Variants in NCKAP5 observed in about 807,000 individuals in gnomAD.
NCKAP5 encodes nck-associated protein 5.
A neutral mutation model predicts 167.0 loss-of-function variants in NCKAP5; 92 were observed. That is an observed-to-expected ratio of 0.55 (90% CI 0.47 to 0.66). The LOEUF (loss-of-function observed/expected upper bound fraction) is 0.66, where lower values mean the gene tolerates loss of function less well. NCKAP5 is among the 30% of genes least tolerant of loss of function. NCKAP5 has a pLI of 0.00. For synonymous variants in NCKAP5, 891 were observed against 877.4 expected (o/e 1.02, Z -0.27); for missense variants, 2,378 against 2,315.0 (o/e 1.03, Z -0.56).
At chr2:132,762,332 C>T (rs968360550) in intron 16 of NCKAP5, among the ~76,000 whole-genome samples, 1 of 151,042 alleles carries the variant, frequency 6.6e-6, no homozygotes, top group Admixed American at 6.6e-5. Context: ...TGCGCTGAGG[C>T]ATACTGCTAT....
chr2:132,850,235 A>T (rs1237308071), intron 11 of NCKAP5, among the ~76,000 whole-genome samples: 3 of 152,164 alleles, frequency 2.0e-5, no homozygotes, highest in African/African-American at 7.2e-5. Flanking sequence ...TTTGGACACC[A>T]CCCAAATGTA....
chr2:133,208,677 T>C (rs887502866), intron 5 of NCKAP5, among the ~76,000 whole-genome samples: 13 of 152,320 alleles, frequency 8.5e-5, no homozygotes, highest in African/African-American at 2.4e-4. Flanking sequence ...ACTTCATTAA[T>C]AGTGTATCAA....
intron 6 of NCKAP5, among the ~76,000 whole-genome samples, chr2:133,058,957 T>C (rs2079895887): frequency 6.6e-6 from 1 of 152,158 alleles, no homozygotes; most frequent in African/African-American, 2.4e-5. Context: ...ACCAACCTGA[T>C]CAATCAGCAG....
chr2:133,250,518 C>T (rs374051092), intron 4 of NCKAP5, among the ~76,000 whole-genome samples: 5 of 152,296 alleles, frequency 3.3e-5, no homozygotes, highest in Admixed American at 6.5e-5. Context: ...GAGGGCCAGC[C>T]GAGGGCAGGG....
At chr2:133,295,314 C>T (rs1172852417) in intron 4 of NCKAP5, among the ~76,000 whole-genome samples, 1 of 151,902 alleles carries the variant, frequency 6.6e-6, no homozygotes, top group Non-Finnish European at 1.5e-5. Flanking sequence ...TGCTCTAAGA[C>T]AGATAGGATT....
chr2:133,669,284 C>G, the NCKAP5 span, among the ~76,000 whole-genome samples: 1 of 152,126 alleles, frequency 6.6e-6, no homozygotes, highest in Admixed American at 6.5e-5. Context: ...TGTTGCAAGC[C>G]TTTCTTTAAT....
chr2:132,824,224 G>C (rs531085881), intron 11 of NCKAP5, among the ~76,000 whole-genome samples: 30 of 152,316 alleles, frequency 2.0e-4, no homozygotes, highest in African/African-American at 7.2e-4. Context: ...TCCAGAGGTA[G>C]GCAGTCCAGG....
At chr2:132,894,211 A>T (rs1214655892) in intron 8 of NCKAP5, among the ~76,000 whole-genome samples, 1 of 152,250 alleles carries the variant, frequency 6.6e-6, no homozygotes, top group Non-Finnish European at 1.5e-5. Flanking sequence ...CTCCTGAAAT[A>T]AAACAGCGGC....
At position 132,773,852 on chromosome 2, in the gene NCKAP5, C is replaced by A; in HGVS notation, c.5092G>T (p.Ala1698Ser). ...NENLQEDEDD[A>S]VADSVFQSHI... ...CTCTGAAATACAGAATCTGCAACTG[C>A]ATCGTCTTCATCCTCTTGCAAGTTT... Residue 1698 changes from alanine to serine, a missense_variant, in exon 16 of 20, where the codon GCA becomes TCA. By Grantham distance (99) the Ala-to-Ser change is moderately conservative. Around this residue, in one of 3 missense-constraint regions of NCKAP5, gnomAD observed 1,325 missense variants for 1,274.5 expected, o/e 1.04. Transcript: ENST00000409261. 1 of 1,611,316 alleles carries A rather than the reference C, an allele frequency of 6.2e-7. No homozygotes were observed. Among genetic ancestry groups the A allele is most frequent in the Non-Finnish European group, 8.5e-7 (1 of 1,179,044 alleles).
At chr2:132,735,456 T>C (rs1471893749) in intron 16 of NCKAP5, among the ~76,000 whole-genome samples, 2 of 152,222 alleles carry the variant, frequency 1.3e-5, no homozygotes, top group African/African-American at 2.4e-5. Context: ...TCCATCATGA[T>C]TGGAAGCTTC....
intron 5 of NCKAP5, among the ~76,000 whole-genome samples, 175 bp downstream of exon 5, chr2:133,213,541 C>T (rs1370280313): frequency 6.6e-6 from 1 of 152,082 alleles, no homozygotes; most frequent in Non-Finnish European, 1.5e-5. Flanking sequence ...ATCTCTCACT[C>T]TGATGGCAAA....
intron 3 of NCKAP5, chr2:133,333,800 T>C (rs1432552572): frequency 6.6e-6 from 1 of 152,182 alleles, no homozygotes; most frequent in Non-Finnish European, 1.5e-5. Flanking sequence ...CTGGGTGTTG[T>C]GTGGAAATGA....
chr2:132,963,145 G>A (rs573424772), intron 8 of NCKAP5, among the ~76,000 whole-genome samples: 6 of 152,168 alleles, frequency 3.9e-5, no homozygotes, highest in East Asian at 1.9e-4. Flanking sequence ...CGAATGCCAC[G>A]AAGTAACAGA....
At chr2:133,326,794 A>G (rs1682485135) in intron 3 of NCKAP5, among the ~76,000 whole-genome samples, 1 of 152,200 alleles carries the variant, frequency 6.6e-6, no homozygotes, top group Non-Finnish European at 1.5e-5. Context: ...TAAATTCAAC[A>G]GCATCCTGGC....
chr2:133,448,051 C>T (rs891896162), intron 3 of NCKAP5, among the ~76,000 whole-genome samples: 1 of 152,160 alleles, frequency 6.6e-6, no homozygotes, highest in Non-Finnish European at 1.5e-5. Flanking sequence ...AGAAGCGCCA[C>T]ACACAGCAGC....
intron 4 of NCKAP5, among the ~76,000 whole-genome samples, chr2:133,299,406 T>A (rs530158606): frequency 6.6e-6 from 1 of 152,076 alleles, no homozygotes; most frequent in African/African-American, 2.4e-5. Context: ...TTACCTGCCA[T>A]CTCTGTGTAC....
chr2:133,210,317 G>C (rs1470044469), intron 5 of NCKAP5, among the ~76,000 whole-genome samples: 1 of 151,748 alleles, frequency 6.6e-6, no homozygotes, highest in Non-Finnish European at 1.5e-5. Context: ...GGCATGCTTT[G>C]TATTGAAGAT....
At chr2:133,620,247 AT>A in the NCKAP5 span, among the ~76,000 whole-genome samples, 1 of 152,126 alleles carries the variant, frequency 6.6e-6, no homozygotes, top group African/African-American at 2.4e-5. Flanking sequence ...TAATACTAAC[AT>A]TGATGTAAAT....
At chr2:133,597,673 C>CAAAAAAAAAAAAAAAAAAAAAAAAAA in the NCKAP5 span, among the ~76,000 whole-genome samples, 1 of 61,122 alleles carries the variant, frequency 1.6e-5, no homozygotes, top group African/African-American at 6.7e-5. Flanking sequence ...GACTCTGTCT[C>CAAAAAAAAAAAAAAAAAAAAAAAAAA]AAAAAAAAAA....
Sources: gnomAD v4.1 joint callset for allele counts (sites outside exome capture counted in the v4.1 genomes callset) on GRCh38, gnomAD v4.1.1 for gene constraint, gnomAD v4.1.1 regional missense constraint, MANE v1.5 for transcripts, NCBI Gene and HGNC (gene_info 2026-07-23, HGNC 2026-07-21) for gene names.